The following BAZ2B variants were observed in gnomAD, a reference collection of about 807,000 sequenced individuals.
The protein encoded by BAZ2B is bromodomain adjacent to zinc finger domain protein 2B.
Under a neutral mutation model 246.0 loss-of-function variants are expected in BAZ2B, and 91 were observed. The ratio of observed to expected loss-of-function variants is 0.37; its 90% CI spans 0.31 to 0.44. The LOEUF (loss-of-function observed/expected upper bound fraction) is 0.44. BAZ2B is among the 20% of genes least tolerant of loss of function. The probability of loss-of-function intolerance (pLI) is 1.00; values close to 1 mark genes in which losing one functional copy is unlikely to be tolerated. For missense variants in BAZ2B, 2,332 were observed against 2,533.7 expected, an observed-to-expected ratio of 0.92 and a Z score of 1.71; for synonymous variants, 855 against 860.0, an observed-to-expected ratio of 0.99 and a Z score of 0.10.
At chr2:159,678,966 G>T in the BAZ2B span, among the ~76,000 whole-genome samples, 13 of 152,282 alleles carry the variant, frequency 8.5e-5, no homozygotes, top group East Asian at 1.5e-3. Context: ...ATGACTTTGA[G>T]ACTCACTACT....
In BAZ2B at chr2:159,419,810, T is replaced by C. The variant is rs373786002; in HGVS notation, c.2467-7265A>G. On this transcript the variant is annotated intron_variant, in intron 13 of 36. Transcript: ENST00000392783. ...AGATTAGTGACATAAATTTCCGGAC[T>C]TATAGATTTCTGGTACTGATCTTTC... is the stretch of plus-strand genomic sequence containing the variant. The C allele has an allele frequency of 2.6e-5, 4 of 152,376 alleles. No homozygotes were observed. In the East Asian group the frequency reaches 7.7e-4, roughly 29 times the overall value. The allele number at this position is 152,376 out of a possible 1,614,324, so 9.4% of individuals were successfully genotyped here.
intron 31 of BAZ2B, among the ~76,000 whole-genome samples, chr2:159,346,930 T>TTA (rs538958184): frequency 9.8e-4 from 149 of 151,716 alleles, no homozygotes; most frequent in Non-Finnish European, 1.5e-3. Context: ...AATAAAAACT[T>TTA]TATATATATA....
the BAZ2B span, chr2:159,712,099 A>G: frequency 6.6e-6 from 1 of 151,610 alleles, no homozygotes; most frequent in Non-Finnish European, 1.5e-5. Context: ...AAAAGAAAAA[A>G]AAAAAAAAAA....
At chr2:159,345,126 G>C (rs987073639) in intron 31 of BAZ2B, among the ~76,000 whole-genome samples, 2 of 151,662 alleles carry the variant, frequency 1.3e-5, no homozygotes, top group African/African-American at 4.8e-5. Flanking sequence ...CAGGAGAATC[G>C]CTTGAACCTG....
At chr2:159,658,278 C>T in the BAZ2B span, among the ~76,000 whole-genome samples, 5 of 152,026 alleles carry the variant, frequency 3.3e-5, no homozygotes, top group Non-Finnish European at 5.9e-5. Flanking sequence ...ACCAGTTGGT[C>T]ATGGTATATA....
intron 27 of BAZ2B, among the ~76,000 whole-genome samples, chr2:159,353,184 T>C (rs1025087240): frequency 6.6e-6 from 1 of 152,230 alleles, no homozygotes; most frequent in African/African-American, 2.4e-5. Context: ...ATGTTTGACA[T>C]AGCCCTCATA....
chr2:159,585,902 T>C (rs1337084045), intron 1 of BAZ2B, among the ~76,000 whole-genome samples: 1 of 152,264 alleles, frequency 6.6e-6, no homozygotes, highest in African/African-American at 2.4e-5. Context: ...TTAAAGCTAA[T>C]CTTTTCAACT....
rs565111668 is a variant in BAZ2B, at chr2:159,445,206, T to C, written c.696+1576A>G. ...CCCACCCTACTCCTGGAACCAATGATAAGAGCCAACAAGATCTACTCAGGA... is the reference window on the plus strand; with the variant it reads ...CCCACCCTACTCCTGGAACCAATGACAAGAGCCAACAAGATCTACTCAGGA... On this transcript the variant is annotated intron_variant, in intron 6 of 36. Transcript: ENST00000392783. Among the ~76,000 whole-genome samples, 72 of 151,996 alleles carry C rather than the reference T, an allele frequency of 4.7e-4. No homozygotes were observed. The South Asian group carries it at 8.1e-3, about 17-fold the overall frequency.
chr2:159,602,239 T>TA (rs1028097758), intron 1 of BAZ2B, among the ~76,000 whole-genome samples: 4 of 151,970 alleles, frequency 2.6e-5, no homozygotes, highest in Non-Finnish European at 5.9e-5. Context: ...AGTCTAGGGG[T>TA]AAAAAAATTC....
intron 2 of BAZ2B, among the ~76,000 whole-genome samples, chr2:159,511,703 A>G (rs1415368946): frequency 6.6e-6 from 1 of 152,204 alleles, no homozygotes; most frequent in Non-Finnish European, 1.5e-5. Context: ...TTTAACACAT[A>G]CACTACTATT....
intron 34 of BAZ2B, among the ~76,000 whole-genome samples, chr2:159,329,146 A>G (rs182078031): frequency 3.6e-4 from 54 of 151,688 alleles, no homozygotes; most frequent in Non-Finnish European, 6.6e-4. Context: ...GAAAAAAAAA[A>G]AAAAAAAGAA....
intron 1 of BAZ2B, among the ~76,000 whole-genome samples, chr2:159,608,292 T>C (rs1050707534): frequency 2.0e-5 from 3 of 152,200 alleles, no homozygotes; most frequent in Non-Finnish European, 2.9e-5. Flanking sequence ...TGGGGATCCC[T>C]TGAGCTCAGG....
intron 2 of BAZ2B, among the ~76,000 whole-genome samples, chr2:159,522,026 A>G (rs1202881938): frequency 1.3e-5 from 2 of 152,074 alleles, no homozygotes; most frequent in Non-Finnish European, 1.5e-5. Flanking sequence ...TAGGGCTAAT[A>G]TAATCATTAA....
At chr2:159,414,591 TG>T (rs1415402636) in intron 13 of BAZ2B, among the ~76,000 whole-genome samples, 1 of 151,106 alleles carries the variant, frequency 6.6e-6, no homozygotes, top group African/African-American at 2.4e-5. Flanking sequence ...CTGAGGCGGG[TG>T]GATCTCCTGA....
At chr2:159,544,665 C>T (rs116726667) in intron 2 of BAZ2B, among the ~76,000 whole-genome samples, 2,477 of 151,912 alleles carry the variant, frequency 0.016, 68 homozygotes, top group African/African-American at 0.056. Flanking sequence ...AAATGTTGGG[C>T]GGAAAGGGAA....
intron 27 of BAZ2B, among the ~76,000 whole-genome samples, chr2:159,367,880 T>A (rs2060388456): frequency 6.6e-6 from 1 of 151,904 alleles, no homozygotes; most frequent in South Asian, 2.1e-4. Context: ...AGAGTGAGAA[T>A]CTGTCTCAAA....
At chr2:159,668,638 C>A in the BAZ2B span, among the ~76,000 whole-genome samples, 83 of 152,210 alleles carry the variant, frequency 5.5e-4, no homozygotes, top group Admixed American at 2.9e-3. Flanking sequence ...TTTCTCTCAT[C>A]TGTTTTTTGG....
At chr2:159,663,329 G>A in the BAZ2B span, among the ~76,000 whole-genome samples, 1,451 of 151,496 alleles carry the variant, frequency 9.6e-3, 24 homozygotes, top group African/African-American at 0.034. Context: ...AGCCTCCCAA[G>A]TAGCTGGGAT....
chr2:159,684,529 C>G, the BAZ2B span, among the ~76,000 whole-genome samples: 1 of 152,172 alleles, frequency 6.6e-6, no homozygotes, highest in Admixed American at 6.5e-5. Context: ...TGAATTATCT[C>G]TTTTTCTCTT....
Sources: allele counts gnomAD v4.1 joint callset (sites outside exome capture counted in the v4.1 genomes callset), GRCh38; gene constraint gnomAD v4.1.1; transcripts MANE v1.5; gene names NCBI Gene and HGNC (gene_info 2026-07-23, HGNC 2026-07-21).